The following SYNPO variants were observed in gnomAD, a reference collection of about 807,000 sequenced individuals.
The protein encoded by SYNPO is synaptopodin.
Under a neutral mutation model 49.5 loss-of-function variants are expected in SYNPO, and 19 were observed. The observed-to-expected ratio is 0.38, with a 90% CI of 0.27 to 0.56. The LOEUF is 0.56. SYNPO is among the 20% of genes least tolerant of loss of function. The pLI is 0.68. For missense variants in SYNPO, 1,131 were observed against 1,248.3 expected (o/e 0.91, Z 1.42); for synonymous variants, 536 against 548.0 (o/e 0.98, Z 0.31).
intron 2 of SYNPO, chr5:150,653,197 G>T (rs369521151): frequency 1.3e-5 from 2 of 152,096 alleles, no homozygotes; most frequent in East Asian, 3.9e-4. Context: ...CAGCCTTTTC[G>T]TACTGTGCAC....
At chr5:150,637,496 G>A (rs1022106347), upstream of SYNPO, among the ~76,000 whole-genome samples, 26 of 152,206 alleles carry the variant, frequency 1.7e-4, no homozygotes, top group African/African-American at 6.3e-4. Context: ...GGCCCCTGAG[G>A]AGTTTGCACA....
In SYNPO at chr5:150,648,157, C is replaced by T; in HGVS notation, c.-119C>T. 6.4e-7 allele frequency: 1 copy of T among 1,556,268 alleles called. No individual in the cohort carries two copies. Among genetic ancestry groups the T allele is most frequent in the East Asian group, 2.4e-5 (1 of 41,298 alleles). On this transcript the variant is annotated 5_prime_UTR_variant, in exon 2 of 3. Coordinates refer to ENST00000307662, the MANE Select transcript of SYNPO (RefSeq NM_007286.6). The surrounding 1 kb of genome is among the most constrained non-coding windows in gnomAD (Gnocchi z 5.0). The stretch of plus-strand genomic sequence containing the variant: ...AGCCAGGAGTCCCTCAGAGTGCTCC[C>T]TTCAAGCCTCCCAGGCCATGCACCG...
rs1174617689 is a variant in SYNPO at position 150,649,793 on chromosome 5, C to T, written c.1518C>T (p.Ala506=). 3 of 1,611,832 alleles carry T rather than the reference C, an allele frequency of 1.9e-6. No homozygotes were observed. The highest frequency in any genetic ancestry group is 1.6e-4 in the Middle Eastern group (1 of 6,062). Residue 506 remains alanine (A), a synonymous_variant, in exon 2 of 3, where the codon GCC becomes GCT. Coordinates refer to ENST00000307662, the MANE Select transcript of SYNPO (RefSeq NM_007286.6). ...IESSSHTPEL[A]RCPSPTMSLP... ...CTTCAAGCCACACGCCAGAGCTGGC[C>T]CGCTGCCCATCACCTACCATGTCCC...
chr5:150,629,871 G>A (rs1366109558), intron 2 of SYNPO, among the ~76,000 whole-genome samples: 1 of 152,096 alleles, frequency 6.6e-6, no homozygotes, highest in African/African-American at 2.4e-5. Context: ...CCTGGTAAGT[G>A]GCTAGATTCA....
chr5:150,594,157 C>T, the SYNPO span, among the ~76,000 whole-genome samples: 1 of 152,192 alleles, frequency 6.6e-6, no homozygotes, highest in Non-Finnish European at 1.5e-5. Context: ...CTGTGGAATC[C>T]TGTGTGTGGG....
intron 2 of SYNPO, among the ~76,000 whole-genome samples, chr5:150,634,863 C>A (rs62380577): frequency 7.6e-4 from 35 of 45,840 alleles, no homozygotes; most frequent in Middle Eastern, 7.9e-3. Flanking sequence ...CACACACACA[C>A]CACACACACA....
At chr5:150,650,781 AG>A in intron 2 of SYNPO, 2 of 1,292,598 alleles carry the variant, frequency 1.5e-6, no homozygotes, top group Non-Finnish European at 2.0e-6. Flanking sequence ...CAGCTGCCCC[AG>A]GGGGGCCTCC....
chr5:150,620,899 C>CTCTCTTTCTTTCTTTCTT (rs1554108179), intron 2 of SYNPO, among the ~76,000 whole-genome samples: 8 of 108,866 alleles, frequency 7.3e-5, no homozygotes, highest in Non-Finnish European at 1.3e-4. Flanking sequence ...TTCTTTTTTT[C>CTCTCTTTCTTTCTTTCTT]TCTTTCTTTC....
intron 1 of SYNPO, among the ~76,000 whole-genome samples, chr5:150,641,793 G>T (rs1757919622): frequency 6.6e-6 from 1 of 152,252 alleles, no homozygotes; most frequent in Non-Finnish European, 1.5e-5. Context: ...AGAAGTGGAA[G>T]AAAGAAGGAG....
intron 2 of SYNPO, among the ~76,000 whole-genome samples, chr5:150,621,243 G>A (rs943768357): frequency 8.5e-5 from 13 of 152,224 alleles, no homozygotes; most frequent in Admixed American, 3.9e-4. Flanking sequence ...GTGAGCCACC[G>A]CACCAGGCCT....
upstream of SYNPO, among the ~76,000 whole-genome samples, chr5:150,598,736 A>AG (rs144974647): frequency 0.012 from 1,849 of 152,292 alleles, 39 homozygotes; most frequent in African/African-American, 0.042. Flanking sequence ...ACCAACAGAG[A>AG]GTTCCATGTG....
chr5:150,647,316 TAGAC>T (rs1347588684), intron 1 of SYNPO, among the ~76,000 whole-genome samples: 9 of 149,898 alleles, frequency 6.0e-5, no homozygotes, highest in Admixed American at 2.6e-4. Context: ...AGACAGATAA[TAGAC>T]AGGGAAACAT....
chr5:150,650,997 C>T (rs1758359803), intron 2 of SYNPO: 3 of 1,241,766 alleles, frequency 2.4e-6, no homozygotes, highest in Non-Finnish European at 3.0e-6. Flanking sequence ...CGCTTTTCTT[C>T]CTGCCCCCTC....
chr5:150,602,227 G>A (rs1756562538), intron 1 of SYNPO, among the ~76,000 whole-genome samples: 1 of 152,218 alleles, frequency 6.6e-6, no homozygotes, highest in Non-Finnish European at 1.5e-5. Flanking sequence ...TGGGCGCCAG[G>A]CTCTGGGTTC....
At position 150,649,271 on chromosome 5, in the gene SYNPO, C is replaced by T; in HGVS notation, c.996C>T (p.Ser332=). 6.2e-7 allele frequency: 1 copy of T among 1,614,208 alleles called. No homozygotes were observed. The highest frequency in any genetic ancestry group is 8.5e-7 in the Non-Finnish European group (1 of 1,180,036). Residue 332 remains serine (S), a synonymous_variant, in exon 2 of 3, where the codon TCC becomes TCT. Coordinates refer to ENST00000307662, the MANE Select transcript of SYNPO (RefSeq NM_007286.6). ...CCTTGTCCACAGCCCCTCTGGCTTC[C>T]TGGGTGAGGTCTCCTCCCTCATATT... ...TETLSTAPLA[S]WVRSPPSYSV...
rs1758208529 is a variant in SYNPO at position 150,648,652 on chromosome 5, A to T, written c.377A>T (p.Asn126Ile). The T allele has an allele frequency of 6.2e-7, 1 of 1,614,052 alleles. No homozygotes were observed. The highest frequency in any genetic ancestry group is 1.3e-5 in the African/African-American group (1 of 74,928). Reference protein sequence around the residue: ...QNSSEAQLPSNGTGPASKPST... With the variant: ...QNSSEAQLPSIGTGPASKPST... ...TCCTCAGAGGCCCAACTCCCATCTA[A>T]TGGCACAGGGCCTGCTTCCAAACCC... Residue 126 changes from asparagine to isoleucine, a missense_variant, in exon 2 of 3, where the codon AAT (asparagine) becomes ATT (isoleucine). By Grantham distance (149) the Asn-to-Ile change is moderately radical. This residue lies in a region of SYNPO where 602 missense variants were observed against 720.7 expected (regional missense o/e 0.84). Coordinates refer to ENST00000307662, the MANE Select transcript of SYNPO (RefSeq NM_007286.6). The surrounding 1 kb of genome is among the most constrained non-coding windows in gnomAD (Gnocchi z 5.0).
upstream of SYNPO, among the ~76,000 whole-genome samples, chr5:150,596,881 G>A (rs1161554962): frequency 2.6e-5 from 4 of 152,186 alleles, no homozygotes; most frequent in Non-Finnish European, 4.4e-5. Context: ...ACACCCACGG[G>A]CCCCATCATG....
chr5:150,637,076 A>C (rs1296015553), upstream of SYNPO, among the ~76,000 whole-genome samples: 1 of 152,194 alleles, frequency 6.6e-6, no homozygotes, highest in Non-Finnish European at 1.5e-5. Context: ...CTGATGATGA[A>C]GTTGAGACTC....
intron 1 of SYNPO, among the ~76,000 whole-genome samples, chr5:150,609,385 G>T (rs555079727): frequency 6.6e-6 from 1 of 152,110 alleles, no homozygotes; most frequent in East Asian, 1.9e-4. Context: ...ACCTCCACCT[G>T]CCGGGTTCAA....
Sources: allele counts gnomAD v4.1 joint callset (sites outside exome capture counted in the v4.1 genomes callset), GRCh38; gene constraint gnomAD v4.1.1; regional missense constraint gnomAD v4.1.1; non-coding constraint Gnocchi (gnomAD v3.1); transcripts MANE v1.5; gene names NCBI Gene and HGNC (gene_info 2026-07-23, HGNC 2026-07-21).